Variants in VGLL4 observed in about 807,000 individuals in gnomAD.
VGLL4 encodes the protein transcription cofactor vestigial-like protein 4.
VGLL4 carries 7 observed loss-of-function variants against 21.0 expected under a neutral mutation model. That is an observed-to-expected ratio of 0.33 (90% CI 0.19 to 0.63). The LOEUF (loss-of-function observed/expected upper bound fraction) is 0.63. Among genes scored for constraint, VGLL4 ranks in the 20% least tolerant of loss-of-function variants. VGLL4 has a pLI of 0.78. For missense variants in VGLL4, 394 were observed against 425.7 expected, an observed-to-expected ratio of 0.93 and a Z score of 0.66; for synonymous variants, 222 against 173.2, an observed-to-expected ratio of 1.28 and a Z score of -2.21.
At chr3:11,711,413 A>T (rs1389083593) in intron 1 of VGLL4, among the ~76,000 whole-genome samples, 4 of 151,972 alleles carry the variant, frequency 2.6e-5, no homozygotes, top group Admixed American at 2.0e-4. Flanking sequence ...AAGTACAAAA[A>T]ATTAGCCAGG....
At chr3:11,668,505 G>T (rs1012617522) in intron 2 of VGLL4, among the ~76,000 whole-genome samples, 1 of 152,102 alleles carries the variant, frequency 6.6e-6, no homozygotes, top group Non-Finnish European at 1.5e-5. Flanking sequence ...GACTCTTTGG[G>T]GCCCAGGAAT....
At chr3:11,682,765 G>A (rs764044202) in intron 2 of VGLL4, among the ~76,000 whole-genome samples, 1 of 151,982 alleles carries the variant, frequency 6.6e-6, no homozygotes, top group African/African-American at 2.4e-5. Context: ...CATCCAAGCA[G>A]AGGATAGAAG....
chr3:11,628,281 G>A (rs142922963), intron 1 of VGLL4, among the ~76,000 whole-genome samples: 2,992 of 152,084 alleles, frequency 0.02, 58 homozygotes, highest in East Asian at 0.065. Context: ...CCAGCTACTT[G>A]GGAGGCTGAA....
chr3:11,609,304 G>A (rs1027103440), intron 1 of VGLL4, among the ~76,000 whole-genome samples: 1 of 152,150 alleles, frequency 6.6e-6, no homozygotes, highest in Non-Finnish European at 1.5e-5. Flanking sequence ...TGCTCATCAA[G>A]AAATACTTTC....
At chr3:11,666,409 T>C (rs2076128159) in intron 2 of VGLL4, among the ~76,000 whole-genome samples, 1 of 152,280 alleles carries the variant, frequency 6.6e-6, no homozygotes, top group East Asian at 1.9e-4. Context: ...GAACAGAGCA[T>C]GGCCAGAATC....
intron 2 of VGLL4, among the ~76,000 whole-genome samples, chr3:11,656,307 T>G (rs1410555560): frequency 6.6e-6 from 1 of 152,152 alleles, no homozygotes; most frequent in African/African-American, 2.4e-5. Context: ...GAAAGTGACA[T>G]CTGATTAAGT....
intron 3 of VGLL4, among the ~76,000 whole-genome samples, chr3:11,561,131 C>T (rs1025849127): frequency 6.6e-6 from 1 of 152,148 alleles, no homozygotes; most frequent in Admixed American, 6.5e-5. Flanking sequence ...GGAGACCCCC[C>T]CCCAGGGTCC....
intron 2 of VGLL4, among the ~76,000 whole-genome samples, chr3:11,597,713 C>T (rs1284699070): frequency 6.6e-6 from 1 of 152,114 alleles, no homozygotes; most frequent in Non-Finnish European, 1.5e-5. Flanking sequence ...CAGCTTTAGT[C>T]CATCAGGGAG....
chr3:11,660,437 C>A (rs1488012507), intron 2 of VGLL4, among the ~76,000 whole-genome samples: 1 of 152,142 alleles, frequency 6.6e-6, no homozygotes, highest in African/African-American at 2.4e-5. Context: ...AGGGCAAAGG[C>A]CTTTGCTTAT....
In VGLL4 at chr3:11,579,767, T is replaced by C. The variant is rs565374143; in HGVS notation, c.273-14748A>G. The stretch of plus-strand genomic sequence containing the variant: ...TTTGTACGAGGGCTTCCAAACCAGA[T>C]GGTAATGGTGACTCTTCACTACTCT... On this transcript the variant is annotated intron_variant, in intron 2 of 4. Transcript: ENST00000430365. Among the ~76,000 whole-genome samples the C allele has an allele frequency of 4.5e-4, 68 of 152,110 alleles. No homozygotes were observed. The South Asian group carries it at 7.1e-3, about 16-fold the overall frequency.
chr3:11,650,597 GCTAT>G (rs535924585), intron 2 of VGLL4, among the ~76,000 whole-genome samples: 77 of 152,192 alleles, frequency 5.1e-4, no homozygotes, highest in Non-Finnish European at 9.1e-4. Flanking sequence ...ACCCTACTGC[GCTAT>G]CTGTTTCCCC....
chr3:11,600,103 T>C (rs1210806274), intron 2 of VGLL4, among the ~76,000 whole-genome samples: 1 of 152,130 alleles, frequency 6.6e-6, no homozygotes, highest in Non-Finnish European at 1.5e-5. Flanking sequence ...GGAATAAAAA[T>C]AACAACCCCC....
intron 2 of VGLL4, chr3:11,582,460 C>T: frequency 8.0e-7 from 1 of 1,243,860 alleles, no homozygotes; most frequent in Non-Finnish European, 1.1e-6. Flanking sequence ...CCTGCTTGCC[C>T]CCTGCACTGC....
intron 3 of VGLL4, among the ~76,000 whole-genome samples, chr3:11,564,412 C>CG (rs374984641): frequency 2.0e-5 from 3 of 151,690 alleles, no homozygotes; most frequent in African/African-American, 4.8e-5. Context: ...AGGACCCCCC[C>CG]ACCCGAGGAT....
intron 1 of VGLL4, among the ~76,000 whole-genome samples, chr3:11,714,649 G>A (rs1231097539): frequency 6.6e-6 from 1 of 151,016 alleles, no homozygotes; most frequent in Non-Finnish European, 1.5e-5. Flanking sequence ...TCATTTTCAA[G>A]ACCGCAGCCT....
chr3:11,670,122 A>AC (rs2076183294), intron 2 of VGLL4, among the ~76,000 whole-genome samples: 1 of 152,128 alleles, frequency 6.6e-6, no homozygotes, highest in Non-Finnish European at 1.5e-5. Context: ...TAAAACAAAA[A>AC]AAAAAAAAGC....
chr3:11,700,058 A>G (rs569650609), intron 2 of VGLL4, among the ~76,000 whole-genome samples: 1 of 152,260 alleles, frequency 6.6e-6, no homozygotes, highest in Admixed American at 6.5e-5. Context: ...CCCCACTTCT[A>G]TACATTTTAC....
intron 1 of VGLL4, among the ~76,000 whole-genome samples, chr3:11,626,798 C>T (rs528128194): frequency 4.0e-4 from 61 of 152,224 alleles, no homozygotes; most frequent in Admixed American, 5.9e-4. Flanking sequence ...AGCCAGTCTT[C>T]CTAGCATGAT....
intron 2 of VGLL4, among the ~76,000 whole-genome samples, chr3:11,578,597 CAA>C (rs796205544): frequency 3.3e-5 from 4 of 119,436 alleles, no homozygotes; most frequent in Non-Finnish European, 1.8e-5. Flanking sequence ...AGAAACTCTG[CAA>C]AAAAAAAAAA....
Sources: gnomAD v4.1 joint callset for allele counts (sites outside exome capture counted in the v4.1 genomes callset) on GRCh38, gnomAD v4.1.1 for gene constraint, MANE v1.5 for transcripts, NCBI Gene and HGNC (gene_info 2026-07-23, HGNC 2026-07-21) for gene names.